MED27: variants seen among roughly 807,000 people sequenced by gnomAD.
The protein encoded by MED27 is mediator complex subunit 27.
A neutral mutation model predicts 38.2 loss-of-function variants in MED27; 30 were observed. The observed-to-expected ratio is 0.79, with a 90% CI of 0.59 to 1.07. The LOEUF (loss-of-function observed/expected upper bound fraction) is 1.07, where lower values mean the gene tolerates loss of function less well. Among genes scored for constraint, MED27 ranks in the 50% least tolerant of loss-of-function variants. MED27 has a pLI of 0.00. For synonymous variants in MED27, 122 were observed against 153.5 expected, an observed-to-expected ratio of 0.79 and a Z score of 1.52; for missense variants, 289 against 397.5, an observed-to-expected ratio of 0.73 and a Z score of 2.32.
chr9:131,972,231 T>C (rs879577030), intron 3 of MED27, among the ~76,000 whole-genome samples: 3 of 152,182 alleles, frequency 2.0e-5, no homozygotes, highest in Non-Finnish European at 4.4e-5. Flanking sequence ...GAAAGTGAGG[T>C]CAAATTTCAT....
chr9:132,008,396 G>C (rs1344582520), intron 3 of MED27, among the ~76,000 whole-genome samples: 1 of 152,162 alleles, frequency 6.6e-6, no homozygotes, highest in Non-Finnish European at 1.5e-5. Context: ...GCCTCTTTAC[G>C]GAAACGATAG....
chr9:132,012,454 C>G (rs954725988), intron 3 of MED27, among the ~76,000 whole-genome samples: 5 of 152,198 alleles, frequency 3.3e-5, no homozygotes, highest in African/African-American at 4.8e-5. Context: ...TCGAGGCTGG[C>G]TGGTTACATT....
chr9:131,929,829 G>A (rs573816629), intron 4 of MED27, among the ~76,000 whole-genome samples: 108 of 152,330 alleles, frequency 7.1e-4, no homozygotes, highest in African/African-American at 2.5e-3. Context: ...TACCCTGAAA[G>A]GAAGGACACA....
At chr9:131,868,436 G>C (rs1038371752) in intron 6 of MED27, among the ~76,000 whole-genome samples, 3 of 152,206 alleles carry the variant, frequency 2.0e-5, no homozygotes, top group Admixed American at 2.0e-4. Context: ...ACGCCACCCC[G>C]CCCAGCTAAT....
intron 3 of MED27, among the ~76,000 whole-genome samples, chr9:131,945,352 T>C (rs966089553): frequency 2.7e-4 from 41 of 152,128 alleles, no homozygotes; most frequent in African/African-American, 9.9e-4. Flanking sequence ...ACCTGTTGTT[T>C]TGAAATATGC....
intron 2 of MED27, among the ~76,000 whole-genome samples, chr9:132,035,049 G>C (rs777560390): frequency 2.6e-5 from 4 of 152,106 alleles, no homozygotes; most frequent in Non-Finnish European, 5.9e-5. Context: ...CTTTTGAAAC[G>C]GTAACAATAG....
At chr9:132,022,796 T>C (rs983179966) in intron 2 of MED27, among the ~76,000 whole-genome samples, 8 of 152,172 alleles carry the variant, frequency 5.3e-5, no homozygotes, top group Admixed American at 4.6e-4. Context: ...AAGGACCTTC[T>C]TCACATGGCG....
At chr9:132,041,967 T>C (rs1265658583) in intron 2 of MED27, among the ~76,000 whole-genome samples, 1 of 152,236 alleles carries the variant, frequency 6.6e-6, no homozygotes, top group Non-Finnish European at 1.5e-5. Flanking sequence ...TTGAGTTAAA[T>C]TGTTTTAATT....
intron 3 of MED27, among the ~76,000 whole-genome samples, chr9:131,989,947 T>A (rs1275327403): frequency 6.6e-6 from 1 of 152,166 alleles, no homozygotes; most frequent in African/African-American, 2.4e-5. Flanking sequence ...TGCTACTGAC[T>A]ATGTACTAGT....
At chr9:132,078,820 C>T (rs1265059864) in intron 1 of MED27, among the ~76,000 whole-genome samples, 1 of 152,168 alleles carries the variant, frequency 6.6e-6, no homozygotes, top group African/African-American at 2.4e-5. Context: ...TCTTATAAAA[C>T]AGAAGGCAAG....
intron 2 of MED27, among the ~76,000 whole-genome samples, chr9:132,019,475 C>T (rs561331937): frequency 5.3e-5 from 8 of 152,178 alleles, no homozygotes; most frequent in African/African-American, 1.9e-4. Flanking sequence ...TTCCAGTTGC[C>T]CAGAAAGTGG....
At chr9:132,054,888 C>G (rs1011194692) in intron 2 of MED27, among the ~76,000 whole-genome samples, 1 of 152,192 alleles carries the variant, frequency 6.6e-6, no homozygotes, top group Non-Finnish European at 1.5e-5. Flanking sequence ...CCTCCCTACC[C>G]TCCACGTCTG....
chr9:131,888,180 T>A (rs984563455), intron 5 of MED27, among the ~76,000 whole-genome samples: 5 of 152,256 alleles, frequency 3.3e-5, no homozygotes, highest in Admixed American at 2.0e-4. Context: ...CATTTACTGA[T>A]GAAGATGACG....
chr9:132,037,991 A>G (rs10512416), intron 2 of MED27, among the ~76,000 whole-genome samples: 12,179 of 152,044 alleles, frequency 0.08, 960 homozygotes, highest in East Asian at 0.37. Flanking sequence ...GCATTGACGC[A>G]ACCAATATGC....
At chr9:131,946,770 T>G (rs1589227304) in intron 3 of MED27, among the ~76,000 whole-genome samples, 1 of 152,192 alleles carries the variant, frequency 6.6e-6, no homozygotes, top group African/African-American at 2.4e-5. Context: ...TCTGGAAGAT[T>G]CTTCTCACAA....
intron 6 of MED27, among the ~76,000 whole-genome samples, chr9:131,866,191 T>G (rs971141345): frequency 1.3e-5 from 2 of 152,206 alleles, no homozygotes; most frequent in Non-Finnish European, 2.9e-5. Flanking sequence ...TCATCTTCCC[T>G]GGCCTGACAG....
intron 3 of MED27, among the ~76,000 whole-genome samples, chr9:131,986,999 A>ATTTTTTTTTTTT (rs66519112): frequency 6.5e-5 from 3 of 46,254 alleles, no homozygotes; most frequent in East Asian, 8.6e-4. Context: ...GAGTTCATGG[A>ATTTTTTTTTTTT]TTTTTTTTTT....
At chr9:131,925,332 G>A (rs974282402) in intron 4 of MED27, among the ~76,000 whole-genome samples, 43 of 152,144 alleles carry the variant, frequency 2.8e-4, no homozygotes, top group African/African-American at 9.4e-4. Flanking sequence ...CATAATAACC[G>A]TATCATGGAG....
At chr9:131,869,310 A>G (rs1262167908) in intron 6 of MED27, 1 of 984,606 alleles carries the variant, frequency 1.0e-6, no homozygotes, top group East Asian at 1.1e-4. Context: ...TCCACCTTCA[A>G]TATTTTTTTG....
Sources: gnomAD v4.1 joint callset for allele counts (sites outside exome capture counted in the v4.1 genomes callset) on GRCh38, gnomAD v4.1.1 for gene constraint, MANE v1.5 for transcripts, NCBI Gene and HGNC (gene_info 2026-07-23, HGNC 2026-07-21) for gene names.